The following CBLB variants were observed in gnomAD, a reference collection of about 807,000 sequenced individuals.
The protein encoded by CBLB is Cbl proto-oncogene B.
A neutral mutation model predicts 104.9 loss-of-function variants in CBLB; 31 were observed. The ratio of observed to expected loss-of-function variants is 0.30; its 90% CI spans 0.22 to 0.40. The LOEUF is 0.40. Ranked by LOEUF, CBLB falls within the 10% of genes least tolerant of loss-of-function variation. CBLB has a pLI of 1.00. For missense variants in CBLB, 1,062 were observed against 1,214.6 expected (o/e 0.87, Z 1.87); for synonymous variants, 440 against 422.6 (o/e 1.04, Z -0.51).
chr3:105,736,468 G>C (rs1426655497), intron 8 of CBLB, among the ~76,000 whole-genome samples: 1 of 152,160 alleles, frequency 6.6e-6, no homozygotes, highest in Non-Finnish European at 1.5e-5. Context: ...TCCCATGTGA[G>C]TATGTAGAGC....
At chr3:105,703,960 A>T in intron 11 of CBLB, 28 bp downstream of exon 11, 10 of 1,597,792 alleles carry the variant, frequency 6.3e-6, no homozygotes, top group Non-Finnish European at 8.6e-6. Flanking sequence ...CAAAATTTTC[A>T]TCTGTGTTTC....
At chr3:105,754,525 G>GAGAGAAAC (rs2076885639) in intron 4 of CBLB, among the ~76,000 whole-genome samples, 1 of 15,992 alleles carries the variant, frequency 6.3e-5, no homozygotes, top group South Asian at 1.6e-3. Flanking sequence ...GAGAGAGACA[G>GAGAGAAAC]AGAGAGAGAG....
chr3:105,721,696 T>C (rs1265082682), intron 9 of CBLB, among the ~76,000 whole-genome samples: 1 of 152,128 alleles, frequency 6.6e-6, no homozygotes, highest in Non-Finnish European at 1.5e-5. Context: ...ACACATTAAA[T>C]ATTATTTGCT....
intron 3 of CBLB, among the ~76,000 whole-genome samples, chr3:105,780,578 C>T (rs1454874155): frequency 6.6e-6 from 1 of 151,514 alleles, no homozygotes; most frequent in Non-Finnish European, 1.5e-5. Flanking sequence ...ACATATATTC[C>T]ATTAACCATC....
intron 4 of CBLB, among the ~76,000 whole-genome samples, chr3:105,768,980 T>C (rs1483343502): frequency 2.0e-5 from 3 of 152,170 alleles, no homozygotes; most frequent in Non-Finnish European, 2.9e-5. Context: ...GAGTAGAGGA[T>C]AGACATCGTC....
At chr3:105,783,535 T>C (rs142690720) in intron 3 of CBLB, among the ~76,000 whole-genome samples, 1 of 152,340 alleles carries the variant, frequency 6.6e-6, no homozygotes, top group African/African-American at 2.4e-5. Context: ...TAGTCATTTA[T>C]TCTTCAAATC....
Position 105,678,547 on chromosome 3 carries a change from G to T in CBLB, c.2453C>A (p.Pro818His). The change falls in exon 17 of 19, where the codon CCT becomes CAT. Residue 818 changes from proline to histidine, a missense_variant. Transcript: ENST00000394030. ...PLGEDAFDAL[P>H]PSLPPPPPPA... ...AGGTGGGGGAGGTGGGAGAGATGGAGGGAGGGCATCAAAAGCATCTTCACC... is the reference window on the plus strand; with the variant it reads ...AGGTGGGGGAGGTGGGAGAGATGGATGGAGGGCATCAAAAGCATCTTCACC... 1 of 1,613,680 alleles carries T rather than the reference G, an allele frequency of 6.2e-7. No individual in the cohort carries two copies. Among genetic ancestry groups the T allele is most frequent in the Non-Finnish European group, 8.5e-7 (1 of 1,179,776 alleles).
chr3:105,693,442 C>CTT (rs10635036), intron 13 of CBLB, 52 bp downstream of exon 13: 1,224,604 of 1,225,526 alleles, frequency 1, 611,850 homozygotes, highest in East Asian at 1. Flanking sequence ...CAAAACCACT[C>CTT]TACCATATCT....
chr3:105,806,639 G>A (rs1264296756), intron 3 of CBLB, among the ~76,000 whole-genome samples: 2 of 152,034 alleles, frequency 1.3e-5, no homozygotes, highest in Non-Finnish European at 2.9e-5. Context: ...ACATGCCATG[G>A]GAAGTAGGCA....
chr3:105,796,321 T>C (rs140653159), intron 3 of CBLB, among the ~76,000 whole-genome samples: 10 of 151,998 alleles, frequency 6.6e-5, no homozygotes, highest in South Asian at 4.2e-4. Flanking sequence ...TTTGACAAAG[T>C]TGACAAAAAC....
chr3:105,813,245 T>C (rs1213401808), intron 3 of CBLB, among the ~76,000 whole-genome samples: 1 of 152,056 alleles, frequency 6.6e-6, no homozygotes, highest in Non-Finnish European at 1.5e-5. Flanking sequence ...GAAGTCAAAT[T>C]AACTAGATCA....
At position 105,658,152 on chromosome 3, in the gene CBLB, T is replaced by C. The variant is rs2063467856; in HGVS notation, c.*818A>G. The C allele has an allele frequency of 4.6e-6, 1 of 217,420 alleles. No individual in the cohort carries two copies. Among genetic ancestry groups the C allele is most frequent in the Non-Finnish European group, 9.3e-6 (1 of 107,828 alleles). The allele number at this position is 217,420 out of a possible 1,614,324, so 13.5% of individuals were successfully genotyped here. ...AGTGTTCTCTCTTCCACATCTGTAG[T>C]AGCTGCTTTCTAATATTGTAGATTT... On this transcript the variant is annotated 3_prime_UTR_variant, in exon 19 of 19. Coordinates refer to ENST00000394030, the MANE Select transcript of CBLB (RefSeq NM_170662.5).
chr3:105,785,347 C>T (rs181361706), intron 3 of CBLB, among the ~76,000 whole-genome samples: 113 of 152,272 alleles, frequency 7.4e-4, no homozygotes, highest in African/African-American at 2.5e-3. Context: ...CAGAGAATTA[C>T]AACTCTGAAG....
At chr3:105,810,089 G>A (rs1032597899) in intron 3 of CBLB, among the ~76,000 whole-genome samples, 1 of 152,150 alleles carries the variant, frequency 6.6e-6, no homozygotes, top group Non-Finnish European at 1.5e-5. Context: ...AAGACAGAAC[G>A]TGTACACCCT....
At chr3:105,867,981 GAAC>G (rs1437677096) in intron 1 of CBLB, among the ~76,000 whole-genome samples, 3 of 151,164 alleles carry the variant, frequency 2.0e-5, no homozygotes, top group Non-Finnish European at 4.4e-5. Flanking sequence ...CAAAATACCA[GAAC>G]AACTGAAGGT....
rs182995454 is a variant in CBLB, at chr3:105,705,457, T to G, written c.1408-1284A>C. Among the ~76,000 whole-genome samples the G allele has an allele frequency of 3.3e-3, 497 of 152,360 alleles. 1 individual carries two copies. Among genetic ancestry groups the G allele is most frequent in the Non-Finnish European group, 5.8e-3 (393 of 68,032 alleles). On this transcript the variant is annotated intron_variant, in intron 10 of 18. Coordinates refer to ENST00000394030, the MANE Select transcript of CBLB (RefSeq NM_170662.5). Reference sequence around the variant, plus strand: ...CGTCTCCCTACTCTCCTTTTGGCTCTGACAGTTTCTCAGACATCCATTGTG... The same window carrying G: ...CGTCTCCCTACTCTCCTTTTGGCTCGGACAGTTTCTCAGACATCCATTGTG...
intron 18 of CBLB, among the ~76,000 whole-genome samples, chr3:105,667,817 A>AT (rs2064640822): frequency 6.6e-6 from 1 of 152,212 alleles, no homozygotes; most frequent in Non-Finnish European, 1.5e-5. Flanking sequence ...CAGAACTTGA[A>AT]TTCATAAGGC....
chr3:105,754,529 G>GAGAGAGAGAGAC (rs1698918438), intron 4 of CBLB, among the ~76,000 whole-genome samples: 1,820 of 83,882 alleles, frequency 0.022, 12 homozygotes, highest in African/African-American at 0.028. Context: ...GAGACAGAGA[G>GAGAGAGAGAGAC]AGAGAGAGAG....
Position 105,657,539 on chromosome 3 carries a change from C to T in CBLB, c.*1431G>A, listed in dbSNP as rs2063427665. The T allele has an allele frequency of 9.7e-6, 2 of 206,078 alleles. No individual in the cohort carries two copies. The highest frequency in any genetic ancestry group is 2.0e-5 in the Non-Finnish European group (2 of 100,702). 12.8% of individuals were successfully genotyped at this position (206,078 alleles called of 1,614,324 possible). ...ATCAGACAGACTTTGTCATAAAAAA[C>T]ACAGAAAAACAAAAATAAAACATTA... On this transcript the variant is annotated 3_prime_UTR_variant, in exon 19 of 19. Coordinates refer to ENST00000394030, the MANE Select transcript of CBLB (RefSeq NM_170662.5).
Sources: allele counts gnomAD v4.1 joint callset (sites outside exome capture counted in the v4.1 genomes callset), GRCh38; gene constraint gnomAD v4.1.1; transcripts MANE v1.5; gene names NCBI Gene and HGNC (gene_info 2026-07-23, HGNC 2026-07-21).